The following LIMCH1 variants were observed in gnomAD, a reference collection of about 807,000 sequenced individuals.
The protein encoded by LIMCH1 is LIM and calponin homology domains 1, also known as LIM and calponin homology domains-containing protein 1.
In LIMCH1, 113 loss-of-function variants were observed where a neutral mutation model predicts 176.5. That is an observed-to-expected ratio of 0.64 (90% CI 0.55 to 0.75). The LOEUF (loss-of-function observed/expected upper bound fraction) is 0.75. Ranked by LOEUF, LIMCH1 falls within the 30% of genes least tolerant of loss-of-function variation. LIMCH1 has a pLI of 0.00. For synonymous variants in LIMCH1, 619 were observed against 645.9 expected, an observed-to-expected ratio of 0.96 and a Z score of 0.63; for missense variants, 1,674 against 1,814.9, an observed-to-expected ratio of 0.92 and a Z score of 1.41.
chr4:41,494,994 T>A (rs1321132511), intron 2 of LIMCH1, among the ~76,000 whole-genome samples: 8 of 152,346 alleles, frequency 5.3e-5, no homozygotes, highest in African/African-American at 1.9e-4. Flanking sequence ...TGCTTCTATA[T>A]ACTTACAACA....
chr4:41,495,117 T>C (rs192815815), intron 2 of LIMCH1, among the ~76,000 whole-genome samples: 58 of 152,326 alleles, frequency 3.8e-4, no homozygotes, highest in African/African-American at 1.3e-3. Flanking sequence ...ACTACAGTGT[T>C]TAATTTTTGT....
Position 41,538,357 on chromosome 4 carries a change from A to G in LIMCH1, c.-241+7A>G. 1.0e-6 allele frequency: 1 copy of G among 985,136 alleles called. No homozygotes were observed. The highest frequency in any genetic ancestry group is 1.2e-6 in the Non-Finnish European group (1 of 829,672). 61.0% of individuals were successfully genotyped at this position (985,136 alleles called of 1,614,324 possible). ...AGCATGAGGACGTGTGGGGGTAAGTAAAATTCATTATAAAAGAAATACATG... is the reference window on the plus strand; with the variant it reads ...AGCATGAGGACGTGTGGGGGTAAGTGAAATTCATTATAAAAGAAATACATG... On this transcript the variant is annotated splice_region_variant and intron_variant, in intron 1 of 31. Coordinates refer to ENST00000503057, the MANE Select transcript of LIMCH1 (RefSeq NM_001330672.2).
chr4:41,430,720 G>A (rs1030557037), intron 1 of LIMCH1, among the ~76,000 whole-genome samples: 1 of 152,164 alleles, frequency 6.6e-6, no homozygotes, highest in African/African-American at 2.4e-5. Context: ...TTTACATAAT[G>A]TTTGGGTCCT....
chr4:41,678,740 G>GT (rs1299812842), intron 23 of LIMCH1, among the ~76,000 whole-genome samples: 1 of 151,924 alleles, frequency 6.6e-6, no homozygotes, highest in Non-Finnish European at 1.5e-5. Context: ...GTGTGTGTGT[G>GT]TGTGTGAGTG....
chr4:41,633,647 G>GCTTT lies in LIMCH1; in HGVS notation c.1930_1931insTTTC (p.Arg644LeufsTer6). On this transcript the variant is annotated frameshift_variant, in exon 13 of 32. Transcript: ENST00000503057. LOFTEE classifies it high-confidence loss of function. ...GGAGTGGCAGTGGACTGAAAGGCCA[G>GCTTT]CGAAAGTTGGATGATTCACGAAAAG... 6.5e-7 allele frequency: 1 copy of GCTTT among 1,536,186 alleles called. No homozygotes were observed. The highest frequency in any genetic ancestry group is 8.7e-7 in the Non-Finnish European group (1 of 1,146,928).
chr4:41,428,882 C>T (rs1177988551), intron 1 of LIMCH1, among the ~76,000 whole-genome samples: 1 of 152,232 alleles, frequency 6.6e-6, no homozygotes, highest in East Asian at 1.9e-4. Flanking sequence ...AAGACAGTCG[C>T]TCACTGCTGC....
rs558957825 is a variant in LIMCH1 at position 41,401,490 on chromosome 4, G to A, written c.96+40554G>A. ...TGATGCCTCCAGCTTTGTTCTTTTG[G>A]CTTAGGATTGACTTGGTGATGCGGG... is the stretch of plus-strand genomic sequence containing the variant. On this transcript the variant is annotated intron_variant, in intron 1 of 26. Coordinates refer to the LIMCH1 transcript ENST00000313860. Among the ~76,000 whole-genome samples the A allele has an allele frequency of 5.5e-3, 833 of 152,200 alleles. 12 individuals carry two copies. Among genetic ancestry groups the A allele is most frequent in the African/African-American group, 0.018 (767 of 41,498 alleles).
chr4:41,661,880 C>T (rs562588398), intron 19 of LIMCH1: 200 of 386,390 alleles, frequency 5.2e-4, no homozygotes, highest in East Asian at 8.3e-4. Context: ...TAAAAATAGA[C>T]GCTGAAATGG....
At chr4:41,518,198 C>T (rs2075778149) in intron 2 of LIMCH1, among the ~76,000 whole-genome samples, 1 of 152,154 alleles carries the variant, frequency 6.6e-6, no homozygotes, top group Admixed American at 6.5e-5. Context: ...TTAATGTTCA[C>T]ATTACAGTCC....
chr4:41,474,459 C>T (rs561523342), intron 1 of LIMCH1, among the ~76,000 whole-genome samples: 2 of 152,270 alleles, frequency 1.3e-5, no homozygotes, highest in Admixed American at 6.5e-5. Context: ...TGCTGTCCAG[C>T]CTGGGCGACA....
At chr4:41,493,656 G>A (rs1413027439) in intron 1 of LIMCH1, among the ~76,000 whole-genome samples, 3 of 152,076 alleles carry the variant, frequency 2.0e-5, no homozygotes, top group Non-Finnish European at 4.4e-5. Context: ...TAGCCGAGAT[G>A]GGTTTTGAAA....
At chr4:41,642,115 C>T (rs2093847403) in intron 14 of LIMCH1, among the ~76,000 whole-genome samples, 2 of 147,070 alleles carry the variant, frequency 1.4e-5, no homozygotes, top group African/African-American at 4.9e-5. Flanking sequence ...GTGGCCTAAA[C>T]CAAAATTCTG....
At position 41,572,604 on chromosome 4, in the gene LIMCH1, C is replaced by T. The variant is rs80030284; in HGVS notation, c.-240-26316C>T. 8.5e-4 allele frequency among the ~76,000 whole-genome samples: 130 copies of T among 152,208 alleles called. 2 individuals carry two copies. Among genetic ancestry groups the T allele is most frequent in the Middle Eastern group, 3.4e-3 (1 of 294 alleles). On this transcript the variant is annotated intron_variant, in intron 1 of 31. Transcript: ENST00000503057. ...AATGAGTAATGGTCAAGGAAAATAA[C>T]GTGAAACAGATTCTCTCATAAGCTT...
At chr4:41,612,052 G>T (rs979069559) in intron 4 of LIMCH1, among the ~76,000 whole-genome samples, 1 of 152,164 alleles carries the variant, frequency 6.6e-6, no homozygotes, top group Non-Finnish European at 1.5e-5. Flanking sequence ...TTGACAACCT[G>T]TTCTTCAGGG....
At chr4:41,609,092 C>T (rs1011856204) in intron 4 of LIMCH1, among the ~76,000 whole-genome samples, 8 of 152,028 alleles carry the variant, frequency 5.3e-5, no homozygotes, top group Non-Finnish European at 1.0e-4. Context: ...CAAGTGATAC[C>T]GTGACTGGCC....
intron 1 of LIMCH1, among the ~76,000 whole-genome samples, chr4:41,367,861 C>A: frequency 8.1e-6 from 1 of 123,022 alleles, no homozygotes; most frequent in Non-Finnish European, 1.7e-5. Context: ...TGCGAGACTC[C>A]ATCATAAAAA....
chr4:41,605,425 A>AT (rs35682179), intron 3 of LIMCH1, among the ~76,000 whole-genome samples: 9 of 151,904 alleles, frequency 5.9e-5, no homozygotes, highest in South Asian at 2.1e-4. Flanking sequence ...TTGGGATTTT[A>AT]TTTTTTTTCT....
chr4:41,689,333 G>A (rs909441131), intron 29 of LIMCH1, among the ~76,000 whole-genome samples, 194 bp from the exon 30 acceptor site: 1 of 152,126 alleles, frequency 6.6e-6, no homozygotes. Flanking sequence ...AGTATATTTA[G>A]TCTGGCAGTT....
intron 1 of LIMCH1, among the ~76,000 whole-genome samples, chr4:41,437,880 A>T (rs1273603964): frequency 6.6e-6 from 1 of 152,122 alleles, no homozygotes; most frequent in Non-Finnish European, 1.5e-5. Context: ...GCAGTTGAGA[A>T]TTTTTTGCTT....
Sources: allele counts gnomAD v4.1 joint callset (sites outside exome capture counted in the v4.1 genomes callset), GRCh38; gene constraint gnomAD v4.1.1; transcripts MANE v1.5; gene names NCBI Gene and HGNC (gene_info 2026-07-23, HGNC 2026-07-21).